The following NRG1 variants were observed in gnomAD, a reference collection of about 807,000 sequenced individuals.
NRG1 encodes pro-neuregulin-1, membrane-bound isoform.
In NRG1, 18 loss-of-function variants were observed where a neutral mutation model predicts 63.8. That is an observed-to-expected ratio of 0.28 (90% CI 0.19 to 0.42). The LOEUF is 0.42. Among genes scored for constraint, NRG1 ranks in the 10% least tolerant of loss-of-function variants. The pLI is 1.00. For missense variants in NRG1, 762 were observed against 814.7 expected (o/e 0.94, Z 0.79); for synonymous variants, 302 against 301.3 (o/e 1.00, Z -0.02).
In NRG1 at chr8:31,640,386, C is replaced by A. The variant is rs1429130522; in HGVS notation, c.37+955C>A. On this transcript the variant is annotated intron_variant, in intron 1 of 10. Coordinates refer to the NRG1 transcript ENST00000519301. This position sits in a 1 kb window ranked among gnomAD's most constrained non-coding sequence, Gnocchi z 6.3. Reference sequence around the variant, plus strand: ...GGCCGCCCGCCGAGGAGCCGCTGCTCGCCGCCAACGGGACCGTGCCCTCTT... The same window carrying A: ...GGCCGCCCGCCGAGGAGCCGCTGCTAGCCGCCAACGGGACCGTGCCCTCTT... The A allele has an allele frequency of 3.1e-6, 4 of 1,306,588 alleles. No individual in the cohort carries two copies. The highest frequency in any genetic ancestry group is 2.9e-6 in the Non-Finnish European group (3 of 1,024,150). 80.9% of individuals were successfully genotyped at this position (1,306,588 alleles called of 1,614,324 possible). A position where few individuals can be genotyped will look rare whatever the true frequency, so the allele number is the denominator to read the frequency against.
At chr8:32,291,463 G>A (rs1233388897) in intron 1 of NRG1, among the ~76,000 whole-genome samples, 1 of 150,750 alleles carries the variant, frequency 6.6e-6, no homozygotes, top group Admixed American at 6.6e-5. Context: ...TAAATGAAAC[G>A]ATAAATCATG....
intron 1 of NRG1, among the ~76,000 whole-genome samples, chr8:31,686,821 T>A (rs1345850419): frequency 6.6e-6 from 1 of 152,156 alleles, no homozygotes; most frequent in African/African-American, 2.4e-5. Context: ...CAGGCTGAAG[T>A]GTAGTGGTGC....
chr8:32,646,482 C>T (rs1000961583), intron 5 of NRG1, among the ~76,000 whole-genome samples: 15 of 152,260 alleles, frequency 9.9e-5, no homozygotes, highest in Middle Eastern at 6.8e-3. Flanking sequence ...GCTTACCTCT[C>T]TAGGGAGGAA....
chr8:31,713,200 T>C (rs977324153), intron 1 of NRG1, among the ~76,000 whole-genome samples: 1 of 142,176 alleles, frequency 7.0e-6, no homozygotes, highest in African/African-American at 2.6e-5. Flanking sequence ...CACTGCAGGC[T>C]CCACCTCCCG....
intron 1 of NRG1, among the ~76,000 whole-genome samples, chr8:32,447,848 C>CAA (rs35074926): frequency 7.7e-4 from 97 of 125,384 alleles, no homozygotes; most frequent in East Asian, 6.8e-3. Flanking sequence ...AACCCTGTGT[C>CAA]AAAAAAAAAA....
chr8:32,169,827 A>G (rs1264516457), intron 1 of NRG1, among the ~76,000 whole-genome samples: 1 of 152,204 alleles, frequency 6.6e-6, no homozygotes, highest in African/African-American at 2.4e-5. Context: ...CTCAAAAAAT[A>G]TATGCTTGTC....
intron 1 of NRG1, among the ~76,000 whole-genome samples, chr8:31,962,789 G>T (rs913859105): frequency 6.6e-5 from 10 of 152,112 alleles, no homozygotes; most frequent in Non-Finnish European, 1.2e-4. Flanking sequence ...AACACTTTGG[G>T]AAAGGAGCCA....
chr8:32,131,337 G>C (rs1055001488), intron 1 of NRG1, among the ~76,000 whole-genome samples: 2 of 151,990 alleles, frequency 1.3e-5, no homozygotes, highest in African/African-American at 2.4e-5. Flanking sequence ...GTAGACTGTA[G>C]TTTTGTCATT....
At chr8:31,935,504 C>T (rs372200009) in intron 1 of NRG1, among the ~76,000 whole-genome samples, 45 of 152,176 alleles carry the variant, frequency 3.0e-4, no homozygotes, top group South Asian at 1.2e-3. Context: ...GTGGTCCTCC[C>T]GCCTCAGCCT....
intron 1 of NRG1, among the ~76,000 whole-genome samples, chr8:32,506,973 TAGCCATTA>T (rs1374221177): frequency 2.6e-5 from 4 of 152,208 alleles, no homozygotes; most frequent in African/African-American, 9.6e-5. Context: ...TCAACCCATT[TAGCCATTA>T]ATTTATTGAA....
chr8:31,829,620 G>C (rs184576565), intron 1 of NRG1, among the ~76,000 whole-genome samples: 1 of 152,184 alleles, frequency 6.6e-6, no homozygotes, highest in Non-Finnish European at 1.5e-5. Flanking sequence ...TACTCTGTGA[G>C]GGTTTCTAAG....
At chr8:32,633,785 T>C (rs1039407266) in intron 5 of NRG1, among the ~76,000 whole-genome samples, 11 of 152,118 alleles carry the variant, frequency 7.2e-5, no homozygotes, top group African/African-American at 2.7e-4. Flanking sequence ...GGGTAGGTCC[T>C]GGTACATATG....
chr8:32,206,510 G>A (rs1471800164), intron 1 of NRG1, among the ~76,000 whole-genome samples: 2 of 152,208 alleles, frequency 1.3e-5, no homozygotes, highest in African/African-American at 2.4e-5. Flanking sequence ...AATAGCTTAC[G>A]AAGACTGAAG....
At chr8:32,408,941 C>A (rs62500165) in intron 1 of NRG1, among the ~76,000 whole-genome samples, 5 of 151,790 alleles carry the variant, frequency 3.3e-5, no homozygotes, top group Non-Finnish European at 7.4e-5. Context: ...CCTCTATGTC[C>A]ATGTGTACTC....
chr8:32,415,758 GC>G (rs1348003370), intron 1 of NRG1, among the ~76,000 whole-genome samples: 3 of 151,386 alleles, frequency 2.0e-5, no homozygotes, highest in African/African-American at 7.3e-5. Flanking sequence ...CCTTCCCTAT[GC>G]CCTTTTTACT....
chr8:32,724,158 T>C (rs915409620), intron 5 of NRG1, among the ~76,000 whole-genome samples: 2 of 152,222 alleles, frequency 1.3e-5, no homozygotes, highest in Non-Finnish European at 2.9e-5. Flanking sequence ...GATAAAGTGG[T>C]CACATAAATG....
intron 1 of NRG1, among the ~76,000 whole-genome samples, chr8:31,872,502 G>A (rs972683969): frequency 1.1e-4 from 16 of 152,066 alleles, no homozygotes; most frequent in African/African-American, 3.1e-4. Flanking sequence ...TTTCAACATT[G>A]CCCAGAGAAA....
chr8:32,253,622 T>C (rs1298933752), intron 1 of NRG1, among the ~76,000 whole-genome samples: 1 of 152,214 alleles, frequency 6.6e-6, no homozygotes, highest in Non-Finnish European at 1.5e-5. Flanking sequence ...TTTGCATCAA[T>C]GTTCATCAGG....
intron 1 of NRG1, among the ~76,000 whole-genome samples, chr8:32,493,986 A>AT (rs941767180): frequency 2.5e-4 from 37 of 148,676 alleles, no homozygotes; most frequent in Admixed American, 1.3e-3. Flanking sequence ...CACAAAAATG[A>AT]TTTTTTTTTC....
Sources: gnomAD v4.1 joint callset for allele counts (sites outside exome capture counted in the v4.1 genomes callset) on GRCh38, gnomAD v4.1.1 for gene constraint, Gnocchi (gnomAD v3.1) non-coding constraint, MANE v1.5 for transcripts, NCBI Gene and HGNC (gene_info 2026-07-23, HGNC 2026-07-21) for gene names.